PPARGC1A: variants seen among roughly 807,000 people sequenced by gnomAD.
The protein encoded by PPARGC1A is PPARG coactivator 1 alpha.
In PPARGC1A, 25 loss-of-function variants were observed where a neutral mutation model predicts 88.7. The observed-to-expected ratio is 0.28, with a 90% CI of 0.21 to 0.39. The LOEUF (loss-of-function observed/expected upper bound fraction) is 0.39. Among genes scored for constraint, PPARGC1A ranks in the 10% least tolerant of loss-of-function variants. PPARGC1A has a pLI of 1.00. For missense variants in PPARGC1A, 880 were observed against 968.7 expected (o/e 0.91, Z 1.22); for synonymous variants, 363 against 355.6 (o/e 1.02, Z -0.24).
At chr4:23,888,869 T>A (rs144339096) in intron 1 of PPARGC1A, 2 of 923,728 alleles carry the variant, frequency 2.2e-6, no homozygotes, top group South Asian at 1.0e-4. Flanking sequence ...GAGGAAACAC[T>A]CGCAGTCTTT....
the PPARGC1A span, among the ~76,000 whole-genome samples, chr4:24,345,459 T>G: frequency 6.6e-6 from 1 of 152,194 alleles, no homozygotes; most frequent in Non-Finnish European, 1.5e-5. Context: ...TAGTTTTCCT[T>G]GTAGATGTCT....
chr4:23,900,710 T>C (rs1311809352), upstream of PPARGC1A, among the ~76,000 whole-genome samples: 1 of 152,182 alleles, frequency 6.6e-6, no homozygotes, highest in Non-Finnish European at 1.5e-5. Flanking sequence ...AAGTCGACTT[T>C]CTATGAGGGA....
At chr4:24,461,565 C>G in the PPARGC1A span, among the ~76,000 whole-genome samples, 1 of 152,040 alleles carries the variant, frequency 6.6e-6, no homozygotes, top group South Asian at 2.1e-4. Context: ...TATATCTATT[C>G]ATATGCACGC....
chr4:23,811,600 T>C (rs970763980), intron 10 of PPARGC1A, among the ~76,000 whole-genome samples: 8 of 152,162 alleles, frequency 5.3e-5, no homozygotes, highest in Non-Finnish European at 1.2e-4. Context: ...GACTGACTTA[T>C]TTTTGCCATC....
chr4:24,384,902 A>G, the PPARGC1A span, among the ~76,000 whole-genome samples: 1 of 152,222 alleles, frequency 6.6e-6, no homozygotes, highest in Non-Finnish European at 1.5e-5. Context: ...CCTAATAGAC[A>G]TTTACAGAAT....
the PPARGC1A span, among the ~76,000 whole-genome samples, chr4:24,280,001 A>G: frequency 8.5e-5 from 13 of 152,160 alleles, no homozygotes; most frequent in Non-Finnish European, 1.6e-4. Context: ...CAGAAAGCCA[A>G]TATCTAGCCC....
chr4:24,096,408 G>A, the PPARGC1A span, among the ~76,000 whole-genome samples: 2 of 152,076 alleles, frequency 1.3e-5, no homozygotes, highest in Non-Finnish European at 2.9e-5. Flanking sequence ...GAATCAACTC[G>A]GTCAACAAAC....
chr4:24,106,434 G>A, the PPARGC1A span, among the ~76,000 whole-genome samples: 1 of 152,152 alleles, frequency 6.6e-6, no homozygotes, highest in Non-Finnish European at 1.5e-5. Context: ...AGGTCGAATG[G>A]CAACACTTTG....
At chr4:23,866,892 C>T (rs558362882) in intron 2 of PPARGC1A, among the ~76,000 whole-genome samples, 3 of 152,128 alleles carry the variant, frequency 2.0e-5, no homozygotes, top group South Asian at 4.2e-4. Context: ...TATTTTGCTG[C>T]GCTGCTTTTG....
the PPARGC1A span, among the ~76,000 whole-genome samples, chr4:24,373,499 T>C: frequency 5.7e-4 from 87 of 152,336 alleles, no homozygotes; most frequent in Non-Finnish European, 9.7e-4. Flanking sequence ...AAATATTGAA[T>C]TTCTGGGTCA....
At chr4:23,935,560 T>C in the PPARGC1A span, among the ~76,000 whole-genome samples, 38 of 152,166 alleles carry the variant, frequency 2.5e-4, no homozygotes, top group Non-Finnish European at 4.7e-4. Context: ...ACCATGTAAA[T>C]AGTGCTCCCC....
the PPARGC1A span, among the ~76,000 whole-genome samples, chr4:24,401,132 C>T: frequency 6.7e-6 from 1 of 149,062 alleles, no homozygotes; most frequent in Non-Finnish European, 1.5e-5. Context: ...CATTCTCCTG[C>T]TTCAGCCTCC....
the PPARGC1A span, among the ~76,000 whole-genome samples, chr4:24,112,204 A>G: frequency 6.6e-6 from 1 of 152,182 alleles, no homozygotes; most frequent in African/African-American, 2.4e-5. Flanking sequence ...TGACTCAAGT[A>G]GTGCCAATGT....
At chr4:24,469,851 A>T in the PPARGC1A span, among the ~76,000 whole-genome samples, 1 of 151,958 alleles carries the variant, frequency 6.6e-6, no homozygotes, top group Non-Finnish European at 1.5e-5. Flanking sequence ...GCCCCCATCC[A>T]GTCCCTCTCT....
At chr4:23,898,720 A>G (rs1448253619) in intron 1 of PPARGC1A, among the ~76,000 whole-genome samples, 1 of 152,166 alleles carries the variant, frequency 6.6e-6, no homozygotes, top group Non-Finnish European at 1.5e-5. Context: ...CAAAACCTCT[A>G]TTATTCTTTG....
the PPARGC1A span, among the ~76,000 whole-genome samples, chr4:24,038,609 T>C: frequency 6.6e-6 from 1 of 152,144 alleles, no homozygotes; most frequent in Non-Finnish European, 1.5e-5. Context: ...CTCCTAGTGT[T>C]ATTCCTCAGG....
chr4:23,898,503 A>C (rs912243365), intron 1 of PPARGC1A, among the ~76,000 whole-genome samples: 1 of 152,182 alleles, frequency 6.6e-6, no homozygotes, highest in Non-Finnish European at 1.5e-5. Context: ...TAAATGATAA[A>C]CCTCAGTCAG....
chr4:24,100,762 A>C, the PPARGC1A span, among the ~76,000 whole-genome samples: 2 of 152,210 alleles, frequency 1.3e-5, no homozygotes, highest in Admixed American at 6.5e-5. Context: ...AAAAAAATAT[A>C]TAATTTACAG....
chr4:23,851,019 T>A (rs995660949), intron 2 of PPARGC1A, among the ~76,000 whole-genome samples: 4 of 152,178 alleles, frequency 2.6e-5, no homozygotes, highest in African/African-American at 9.7e-5. Flanking sequence ...TGTCATGTGT[T>A]TCATTGCTTC....
Sources: allele counts gnomAD v4.1 joint callset (sites outside exome capture counted in the v4.1 genomes callset), GRCh38; gene constraint gnomAD v4.1.1; transcripts MANE v1.5; gene names NCBI Gene and HGNC (gene_info 2026-07-23, HGNC 2026-07-21).